The following RPS6KA2 variants were observed in gnomAD, a reference collection of about 807,000 sequenced individuals.
RPS6KA2 encodes ribosomal protein S6 kinase A2.
RPS6KA2 carries 42 observed loss-of-function variants against 91.8 expected under a neutral mutation model. The ratio of observed to expected loss-of-function variants is 0.46; its 90% confidence interval spans 0.36 to 0.59. The LOEUF is 0.59. Among genes scored for constraint, RPS6KA2 ranks in the 20% least tolerant of loss-of-function variants. The pLI, the probability that RPS6KA2 is intolerant of heterozygous loss-of-function variation, is 0.00. For missense variants in RPS6KA2, 798 were observed against 978.5 expected (o/e 0.82, Z 2.46); for synonymous variants, 414 against 393.6 (o/e 1.05, Z -0.61).
In RPS6KA2 at chr6:166,702,909, G is replaced by A. The variant is rs112990804; in HGVS notation, c.123+155291C>T. ...ATTAAAACCACCCACGGTGATGGATGGATCCAGCTGGTTTTGTTCCCCTCG... is the reference window on the plus strand; with the variant it reads ...ATTAAAACCACCCACGGTGATGGATAGATCCAGCTGGTTTTGTTCCCCTCG... On this transcript the variant is annotated intron_variant, in intron 2 of 21. Coordinates refer to the RPS6KA2 transcript ENST00000503859. 8.1e-4 allele frequency: 550 copies of A among 680,622 alleles called. No homozygotes were observed. In the African/African-American group the frequency reaches 9.0e-3, roughly 11 times the overall value. The allele number at this position is 680,622 out of a possible 1,614,324, so 42.2% of individuals were successfully genotyped here. A position where few individuals can be genotyped will look rare whatever the true frequency, so the allele number is the denominator to read the frequency against.
intron 1 of RPS6KA2, among the ~76,000 whole-genome samples, chr6:166,575,844 G>GA (rs201976156): frequency 5.0e-4 from 75 of 151,440 alleles, no homozygotes; most frequent in African/African-American, 1.5e-3. Context: ...CATTTCACAT[G>GA]AAAAAAAAAT....
intron 2 of RPS6KA2, among the ~76,000 whole-genome samples, chr6:166,698,171 G>A (rs1789408410): frequency 1.3e-5 from 2 of 152,186 alleles, no homozygotes. Flanking sequence ...TCCGACAAGA[G>A]AAAGGACTGC....
chr6:166,672,001 T>C (rs1242750608), intron 2 of RPS6KA2, among the ~76,000 whole-genome samples: 1 of 152,186 alleles, frequency 6.6e-6, no homozygotes, highest in East Asian at 1.9e-4. Flanking sequence ...CAGGCGTGTC[T>C]CCACCTAGTC....
rs1341139270 is a variant in RPS6KA2 at position 166,733,115 on chromosome 6, C to G, written c.123+125085G>C. On this transcript the variant is annotated intron_variant, in intron 2 of 21. Coordinates refer to the RPS6KA2 transcript ENST00000503859. The surrounding 1 kb of genome is among the most constrained non-coding windows in gnomAD (Gnocchi z 4.1). Reference sequence around the variant, plus strand: ...CCCTGTGGATCGAGCCTACCCTGTACTCAGGGCCATGCCAAACCATTGCAC... The same window carrying G: ...CCCTGTGGATCGAGCCTACCCTGTAGTCAGGGCCATGCCAAACCATTGCAC... 2.6e-5 allele frequency among the ~76,000 whole-genome samples: 4 copies of G among 152,150 alleles called. No individual in the cohort carries two copies. The highest frequency in any genetic ancestry group is 6.5e-5 in the Admixed American group (1 of 15,276).
At chr6:166,602,385 C>T (rs891984313) in intron 1 of RPS6KA2, among the ~76,000 whole-genome samples, 6 of 152,222 alleles carry the variant, frequency 3.9e-5, no homozygotes, top group African/African-American at 1.2e-4. Context: ...CCAACACCTG[C>T]CCCTACGGTG....
At chr6:166,856,496 T>C (rs1780907718) in intron 2 of RPS6KA2, among the ~76,000 whole-genome samples, 1 of 152,202 alleles carries the variant, frequency 6.6e-6, no homozygotes, top group African/African-American at 2.4e-5. Context: ...TATGGCAGCC[T>C]GAATGCAGCA....
intron 2 of RPS6KA2, among the ~76,000 whole-genome samples, chr6:166,857,063 T>C (rs1780921688): frequency 6.6e-6 from 1 of 152,262 alleles, no homozygotes; most frequent in Non-Finnish European, 1.5e-5. Flanking sequence ...CATTTTTCTT[T>C]ATTTAACCAG....
At chr6:166,539,867 G>T (rs988711757) in intron 1 of RPS6KA2, among the ~76,000 whole-genome samples, 2 of 152,212 alleles carry the variant, frequency 1.3e-5, no homozygotes, top group African/African-American at 2.4e-5. Context: ...TGAGATTTCT[G>T]TTCCACTATC....
intron 1 of RPS6KA2, among the ~76,000 whole-genome samples, chr6:166,569,584 G>A (rs1304639615): frequency 6.6e-6 from 1 of 152,128 alleles, no homozygotes; most frequent in African/African-American, 2.4e-5. Flanking sequence ...CCCTGGACCT[G>A]CTCTCATGAG....
intron 2 of RPS6KA2, among the ~76,000 whole-genome samples, chr6:166,750,273 TG>T (rs113598528): frequency 0.015 from 2,243 of 152,196 alleles, 64 homozygotes; most frequent in African/African-American, 0.049. Context: ...GCTTCTCCCC[TG>T]GGGGGGTGCT....
intron 2 of RPS6KA2, among the ~76,000 whole-genome samples, chr6:166,824,819 G>GTGTC (rs1428445108): frequency 1.4e-5 from 2 of 145,770 alleles, no homozygotes; most frequent in African/African-American, 5.1e-5. Context: ...GTGTGTCTGT[G>GTGTC]TGTGTCTGTG....
intron 2 of RPS6KA2, among the ~76,000 whole-genome samples, chr6:166,683,423 A>T (rs772075629): frequency 5.9e-5 from 9 of 152,200 alleles, no homozygotes; most frequent in Non-Finnish European, 1.3e-4. Flanking sequence ...TAATCTACAG[A>T]CCACATTCCT....
At chr6:166,620,978 ACCTGCT>A (rs1351791010) in intron 1 of RPS6KA2, among the ~76,000 whole-genome samples, 3 of 152,152 alleles carry the variant, frequency 2.0e-5, no homozygotes, top group African/African-American at 7.2e-5. Flanking sequence ...CAGGGACACC[ACCTGCT>A]CCATGCCTGC....
chr6:166,621,166 G>A (rs145565618), intron 1 of RPS6KA2, among the ~76,000 whole-genome samples: 5 of 150,486 alleles, frequency 3.3e-5, no homozygotes, highest in African/African-American at 5.0e-5. Context: ...CTCCAGGAAC[G>A]CATGCAAATG....
intron 5 of RPS6KA2, among the ~76,000 whole-genome samples, chr6:166,506,740 G>A (rs988318609): frequency 2.6e-5 from 4 of 152,150 alleles, no homozygotes; most frequent in African/African-American, 9.7e-5. Context: ...TTCATTTGGG[G>A]CTTTGTGCAA....
At chr6:166,756,473 A>G (rs1477374890) in intron 2 of RPS6KA2, among the ~76,000 whole-genome samples, 1 of 152,260 alleles carries the variant, frequency 6.6e-6, no homozygotes, top group African/African-American at 2.4e-5. Context: ...AGGAGCAATT[A>G]GCATGACCTG....
intron 2 of RPS6KA2, among the ~76,000 whole-genome samples, chr6:166,775,488 T>C (rs1182800970): frequency 6.6e-6 from 1 of 152,220 alleles, no homozygotes. Flanking sequence ...TTTTCTTTAA[T>C]CTTACTGATG....
intron 5 of RPS6KA2, among the ~76,000 whole-genome samples, chr6:166,506,890 C>T (rs1782246619): frequency 6.6e-6 from 1 of 152,096 alleles, no homozygotes; most frequent in East Asian, 1.9e-4. Context: ...ACGGAAAGCC[C>T]GGCACTGGCA....
chr6:166,644,536 C>T (rs1400683868), intron 2 of RPS6KA2, among the ~76,000 whole-genome samples: 5 of 152,134 alleles, frequency 3.3e-5, no homozygotes, highest in African/African-American at 1.2e-4. Context: ...GCTAAACCTC[C>T]CGGTATTCTC....
Sources: allele counts gnomAD v4.1 joint callset (sites outside exome capture counted in the v4.1 genomes callset), GRCh38; gene constraint gnomAD v4.1.1; non-coding constraint Gnocchi (gnomAD v3.1); transcripts MANE v1.5; gene names NCBI Gene and HGNC (gene_info 2026-07-23, HGNC 2026-07-21).